SCHIP1: variants seen among roughly 807,000 people sequenced by gnomAD.
The protein encoded by SCHIP1 is schwannomin interacting protein 1.
A neutral mutation model predicts 29.7 loss-of-function variants in SCHIP1; 8 were observed. The ratio of observed to expected loss-of-function variants is 0.27; its 90% CI spans 0.16 to 0.49. The LOEUF (loss-of-function observed/expected upper bound fraction) is 0.49, where lower values mean the gene tolerates loss of function less well. SCHIP1 is among the 20% of genes least tolerant of loss of function. The pLI is 0.99. For synonymous variants in SCHIP1, 76 were observed against 94.9 expected (o/e 0.80, Z 1.16); for missense variants, 193 against 294.6 (o/e 0.66, Z 2.52).
At chr3:159,883,470 TG>T (rs908410813) in intron 2 of SCHIP1, among the ~76,000 whole-genome samples, 1 of 152,134 alleles carries the variant, frequency 6.6e-6, no homozygotes, top group African/African-American at 2.4e-5. Context: ...TCTTCCACCC[TG>T]GGCACAGAGG....
chr3:159,376,210 A>C, the SCHIP1 span, among the ~76,000 whole-genome samples: 21 of 152,232 alleles, frequency 1.4e-4, no homozygotes, highest in African/African-American at 4.8e-4. Flanking sequence ...GTAATTCACT[A>C]ATTATTTATG....
chr3:159,863,692 T>C (rs1577454070), intron 1 of SCHIP1, among the ~76,000 whole-genome samples: 1 of 152,344 alleles, frequency 6.6e-6, no homozygotes, highest in South Asian at 2.1e-4. Context: ...TTATATTCTT[T>C]AAGCTTTTCT....
At chr3:159,334,074 G>A in the SCHIP1 span, among the ~76,000 whole-genome samples, 1 of 152,020 alleles carries the variant, frequency 6.6e-6, no homozygotes, top group Non-Finnish European at 1.5e-5. Flanking sequence ...GTTTTATGGG[G>A]AAAAGAAAAA....
At chr3:159,769,595 C>G in the SCHIP1 span, among the ~76,000 whole-genome samples, 1 of 151,702 alleles carries the variant, frequency 6.6e-6, no homozygotes, top group Non-Finnish European at 1.5e-5. Context: ...ACTAAAAATA[C>G]AAAAATTAGC....
the SCHIP1 span, among the ~76,000 whole-genome samples, chr3:159,761,554 G>T: frequency 6.6e-6 from 1 of 152,182 alleles, no homozygotes; most frequent in Non-Finnish European, 1.5e-5. Context: ...GGGCCTAGGA[G>T]TTGGCAGGGC....
the SCHIP1 span, among the ~76,000 whole-genome samples, chr3:159,707,025 G>A: frequency 6.6e-6 from 1 of 152,214 alleles, no homozygotes; most frequent in Non-Finnish European, 1.5e-5. Flanking sequence ...GCAGCTCACA[G>A]TCTAGAGGAG....
the SCHIP1 span, among the ~76,000 whole-genome samples, chr3:159,424,190 G>A: frequency 1.8e-4 from 27 of 152,270 alleles, no homozygotes; most frequent in African/African-American, 5.1e-4. Context: ...AAAGCTGGAC[G>A]GAGAATGACT....
the SCHIP1 span, among the ~76,000 whole-genome samples, chr3:159,510,773 C>T: frequency 6.6e-6 from 1 of 152,178 alleles, no homozygotes; most frequent in Non-Finnish European, 1.5e-5. Flanking sequence ...GCAGAGGCTG[C>T]AGAACAGTGA....
chr3:159,754,407 T>C, the SCHIP1 span, among the ~76,000 whole-genome samples: 1 of 152,244 alleles, frequency 6.6e-6, no homozygotes, highest in African/African-American at 2.4e-5. Flanking sequence ...ATTTTTCACA[T>C]ATTGATAGCC....
the SCHIP1 span, among the ~76,000 whole-genome samples, chr3:159,424,622 A>G: frequency 3.5e-4 from 54 of 152,338 alleles, no homozygotes; most frequent in African/African-American, 1.2e-3. Context: ...ACTCTGCAGG[A>G]TATTATCCAG....
chr3:159,377,109 C>G, the SCHIP1 span, among the ~76,000 whole-genome samples: 1 of 152,056 alleles, frequency 6.6e-6, no homozygotes, highest in South Asian at 2.1e-4. Flanking sequence ...TCTTGATTGC[C>G]AGGGGTTGGA....
the SCHIP1 span, among the ~76,000 whole-genome samples, chr3:159,438,600 C>T: frequency 6.6e-6 from 1 of 152,072 alleles, no homozygotes; most frequent in Non-Finnish European, 1.5e-5. Flanking sequence ...GTATTAAGCC[C>T]AGCATCCATT....
chr3:159,365,386 G>C, the SCHIP1 span, among the ~76,000 whole-genome samples: 1 of 152,076 alleles, frequency 6.6e-6, no homozygotes, highest in Non-Finnish European at 1.5e-5. Context: ...AGGGGCATAT[G>C]ATGTGTATCA....
the SCHIP1 span, among the ~76,000 whole-genome samples, chr3:159,347,498 G>A: frequency 6.6e-6 from 1 of 152,148 alleles, no homozygotes; most frequent in Non-Finnish European, 1.5e-5. Flanking sequence ...TGGAATAAGG[G>A]CTACGAAAAT....
the SCHIP1 span, among the ~76,000 whole-genome samples, chr3:159,552,032 C>CTTTTTTT: frequency 7.7e-5 from 8 of 103,564 alleles, no homozygotes; most frequent in Non-Finnish European, 1.2e-4. Flanking sequence ...TGCCACATTG[C>CTTTTTTT]TTTTTTTTTT....
At chr3:159,760,786 G>A in the SCHIP1 span, among the ~76,000 whole-genome samples, 14 of 152,294 alleles carry the variant, frequency 9.2e-5, no homozygotes, top group Non-Finnish European at 1.9e-4. Flanking sequence ...ATTCGAATAT[G>A]ATTTTACAAA....
the SCHIP1 span, among the ~76,000 whole-genome samples, chr3:159,734,492 ATG>A: frequency 6.6e-5 from 10 of 152,110 alleles, no homozygotes; most frequent in African/African-American, 2.2e-4. Flanking sequence ...GAAAAAAAAG[ATG>A]TGTCTTCCCA....
At chr3:159,582,936 T>A in the SCHIP1 span, among the ~76,000 whole-genome samples, 1 of 152,176 alleles carries the variant, frequency 6.6e-6, no homozygotes, top group Non-Finnish European at 1.5e-5. Context: ...CAAGGGCCTA[T>A]ATTCAATTTT....
the SCHIP1 span, among the ~76,000 whole-genome samples, chr3:159,379,156 C>A: frequency 6.6e-6 from 1 of 151,708 alleles, no homozygotes; most frequent in Non-Finnish European, 1.5e-5. Context: ...ACCATCCATG[C>A]ATAAATGGAG....
Sources: allele counts gnomAD v4.1 joint callset (sites outside exome capture counted in the v4.1 genomes callset), GRCh38; gene constraint gnomAD v4.1.1; transcripts MANE v1.5; gene names NCBI Gene and HGNC (gene_info 2026-07-23, HGNC 2026-07-21).